Variants in PRUNE2 observed in about 807,000 individuals in gnomAD.
The protein encoded by PRUNE2 is prune homolog 2 with BCH domain, also known as protein prune homolog 2.
In PRUNE2, 164 loss-of-function variants were observed where a neutral mutation model predicts 252.0. The ratio of observed to expected loss-of-function variants is 0.65; its 90% CI spans 0.57 to 0.74. The LOEUF (loss-of-function observed/expected upper bound fraction) is 0.74, where lower values mean the gene tolerates loss of function less well. Among genes scored for constraint, PRUNE2 ranks in the 30% least tolerant of loss-of-function variants. PRUNE2 has a pLI of 0.00. For missense variants in PRUNE2, 3,495 were observed against 3,711.0 expected, an observed-to-expected ratio of 0.94 and a Z score of 1.51; for synonymous variants, 1,292 against 1,350.2, an observed-to-expected ratio of 0.96 and a Z score of 0.94.
chr9:76,652,332 A>C (rs941236528), intron 11 of PRUNE2, 151 bp downstream of exon 11: 34 of 641,962 alleles, frequency 5.3e-5, no homozygotes, highest in Non-Finnish European at 7.4e-5. Context: ...CAGGCTCCAA[A>C]CTGTCAATCA....
intron 9 of PRUNE2, among the ~76,000 whole-genome samples, chr9:76,671,103 C>A (rs2041365633): frequency 6.6e-6 from 1 of 151,968 alleles, no homozygotes; most frequent in African/African-American, 2.4e-5. Context: ...TCAAATTACT[C>A]TGAGCTACAG....
At chr9:76,789,881 A>C (rs1589244772) in intron 6 of PRUNE2, among the ~76,000 whole-genome samples, 1 of 152,090 alleles carries the variant, frequency 6.6e-6, no homozygotes, top group Admixed American at 6.5e-5. Context: ...TGGGCAGGGG[A>C]TTCTTCTTAG....
chr9:76,856,345 G>A (rs1249045534), intron 1 of PRUNE2: 2 of 152,214 alleles, frequency 1.3e-5, no homozygotes, highest in East Asian at 3.9e-4. Flanking sequence ...ACATTTGTGA[G>A]ATCAAAATTA....
intron 6 of PRUNE2, among the ~76,000 whole-genome samples, chr9:76,752,531 G>GT (rs11432770): frequency 0.66 from 100,209 of 151,870 alleles, 33,794 homozygotes; most frequent in East Asian, 0.83. Context: ...ATATTAGAAA[G>GT]TTTTTTTCCT....
At chr9:76,688,092 GACA>G (rs1480570316) in intron 9 of PRUNE2, among the ~76,000 whole-genome samples, 3 of 152,162 alleles carry the variant, frequency 2.0e-5, no homozygotes, top group African/African-American at 7.2e-5. Flanking sequence ...GCTTGTCACA[GACA>G]ACATTTGGCC....
intron 1 of PRUNE2, among the ~76,000 whole-genome samples, chr9:76,887,127 C>CAGTCAT (rs1215890433): frequency 6.6e-6 from 1 of 152,098 alleles, no homozygotes; most frequent in Non-Finnish European, 1.5e-5. Flanking sequence ...ATCTTCCAGG[C>CAGTCAT]AGTCATATTC....
chr9:76,655,810 C>T (rs1205629016), intron 9 of PRUNE2, among the ~76,000 whole-genome samples: 1 of 152,134 alleles, frequency 6.6e-6, no homozygotes, highest in Non-Finnish European at 1.5e-5. Context: ...ACTTCGGGGA[C>T]ATTTAATATA....
Position 76,878,449 on chromosome 9 carries a change from A to G in PRUNE2, c.37-24241T>C, listed in dbSNP as rs561782120. On this transcript the variant is annotated intron_variant, in intron 1 of 18. Transcript: ENST00000376718. The stretch of plus-strand genomic sequence containing the variant: ...TGCAATGAAAAGTTGCTTAGAGAGG[A>G]CCACAGAAGACCCACTGTCCAGAGA... 3.9e-4 allele frequency among the ~76,000 whole-genome samples: 59 copies of G among 152,296 alleles called. No homozygotes were observed. In the South Asian group the frequency reaches 0.012, roughly 30 times the overall value.
chr9:76,747,797 CTTTT>C (rs553598262), intron 6 of PRUNE2, among the ~76,000 whole-genome samples: 1 of 141,446 alleles, frequency 7.1e-6, no homozygotes, highest in Non-Finnish European at 1.5e-5. Flanking sequence ...TTCTCCACTT[CTTTT>C]TTTTTTTTTT....
chr9:76,897,130 T>A (rs180686932), intron 1 of PRUNE2, among the ~76,000 whole-genome samples: 1 of 152,192 alleles, frequency 6.6e-6, no homozygotes, highest in Non-Finnish European at 1.5e-5. Flanking sequence ...GATTTTAACA[T>A]AAAACAAGCA....
chr9:76,672,398 T>C (rs1588442620), intron 9 of PRUNE2, among the ~76,000 whole-genome samples: 2 of 125,852 alleles, frequency 1.6e-5, no homozygotes, highest in African/African-American at 3.1e-5. Context: ...CCAAGATTCA[T>C]AAAGCAAGTC....
chr9:76,646,421 C>T (rs1844867569), intron 11 of PRUNE2, among the ~76,000 whole-genome samples: 3 of 152,168 alleles, frequency 2.0e-5, no homozygotes, highest in African/African-American at 4.8e-5. Flanking sequence ...CAATCCTAGC[C>T]TTTTTTGCCA....
chr9:76,804,634 A>C (rs1295974632), intron 6 of PRUNE2, among the ~76,000 whole-genome samples: 2 of 152,074 alleles, frequency 1.3e-5, no homozygotes, highest in Non-Finnish European at 2.9e-5. Flanking sequence ...GACAGCATTG[A>C]GTTTCTTCTG....
chr9:76,897,765 G>C (rs1019555693), intron 1 of PRUNE2, among the ~76,000 whole-genome samples: 4 of 152,096 alleles, frequency 2.6e-5, no homozygotes, highest in Admixed American at 2.0e-4. Flanking sequence ...AACTGCAAAA[G>C]GAGATTAGTA....
At chr9:76,659,820 G>A (rs1213451523) in intron 9 of PRUNE2, among the ~76,000 whole-genome samples, 2 of 150,346 alleles carry the variant, frequency 1.3e-5, no homozygotes, top group South Asian at 2.1e-4. Context: ...AATCACTCAC[G>A]TAAAATAAAT....
chr9:76,627,100 T>C (rs949427935), intron 16 of PRUNE2, among the ~76,000 whole-genome samples: 1 of 115,690 alleles, frequency 8.6e-6, no homozygotes, highest in African/African-American at 2.5e-5. Context: ...TTCATCTTTT[T>C]TTTTTCTTCT....
intron 1 of PRUNE2, among the ~76,000 whole-genome samples, chr9:76,900,823 C>T (rs2063126684): frequency 6.6e-6 from 1 of 152,132 alleles, no homozygotes; most frequent in Admixed American, 6.5e-5. Flanking sequence ...GTTCCCTCTA[C>T]CCCCTCCCTG....
At chr9:76,686,090 G>A (rs1199224451) in intron 9 of PRUNE2, among the ~76,000 whole-genome samples, 1 of 152,164 alleles carries the variant, frequency 6.6e-6, no homozygotes, top group Non-Finnish European at 1.5e-5. Flanking sequence ...TAATCATACG[G>A]CTCTGCCAAC....
intron 9 of PRUNE2, among the ~76,000 whole-genome samples, chr9:76,669,695 C>T (rs1434372899): frequency 4.6e-5 from 7 of 152,148 alleles, no homozygotes; most frequent in Non-Finnish European, 7.4e-5. Context: ...TCCAACTGGG[C>T]GTGAGATGCC....
Sources: gnomAD v4.1 joint callset for allele counts (sites outside exome capture counted in the v4.1 genomes callset) on GRCh38, gnomAD v4.1.1 for gene constraint, MANE v1.5 for transcripts, NCBI Gene and HGNC (gene_info 2026-07-23, HGNC 2026-07-21) for gene names.